Variants in TMEM47 observed in about 807,000 individuals in gnomAD.
TMEM47 encodes brain cell membrane protein 1.
A neutral mutation model predicts 12.4 loss-of-function variants in TMEM47; 3 were observed. The ratio of observed to expected loss-of-function variants is 0.24; its 90% CI spans 0.11 to 0.63. TMEM47 has a LOEUF of 0.63. Ranked by LOEUF, TMEM47 falls within the 20% of genes least tolerant of loss-of-function variation. The probability of loss-of-function intolerance (pLI) is 0.86; values close to 1 mark genes in which losing one functional copy is unlikely to be tolerated. For missense variants in TMEM47, 89 were observed against 143.8 expected (o/e 0.62, Z 1.95); for synonymous variants, 62 against 63.3 (o/e 0.98, Z 0.10).
At chrX:34,650,367 G>T (rs1921995094) in intron 1 of TMEM47, among the ~76,000 whole-genome samples, 1 of 111,459 alleles carries the variant, frequency 9.0e-6, no homozygotes, top group African/African-American at 3.3e-5. Flanking sequence ...AAAATACTAT[G>T]GCAAAATGTA....
intron 1 of TMEM47, 146 bp downstream of exon 1, chrX:34,656,658 C>A (rs1922113736): frequency 9.6e-7 from 1 of 1,045,322 alleles, no homozygotes; most frequent in African/African-American, 1.9e-5. Flanking sequence ...TGGCGGGAGC[C>A]CCAGGATCCG....
At chrX:34,638,231 A>C (rs984738517) in intron 2 of TMEM47, among the ~76,000 whole-genome samples, 1 of 111,510 alleles carries the variant, frequency 9.0e-6, no homozygotes, top group East Asian at 2.8e-4. Flanking sequence ...GATCTTGAGC[A>C]AGTCACTTAA....
At chrX:34,636,629 C>T (rs1023952682) in intron 2 of TMEM47, among the ~76,000 whole-genome samples, 18 of 111,663 alleles carry the variant, frequency 1.6e-4, no homozygotes, top group African/African-American at 5.5e-4. Flanking sequence ...TCATATATTA[C>T]CTATCACTGT....
At chrX:34,639,099 C>T (rs774468508) in intron 2 of TMEM47, 148 bp downstream of exon 2, 15 of 712,972 alleles carry the variant, frequency 2.1e-5, no homozygotes, top group Non-Finnish European at 3.0e-5. Context: ...TCTGATAAAC[C>T]TTTAGCCAAG....
intron 1 of TMEM47, among the ~76,000 whole-genome samples, chrX:34,640,528 G>A (rs1341090383): frequency 1.8e-5 from 2 of 111,688 alleles, no homozygotes; most frequent in African/African-American, 6.5e-5. Flanking sequence ...ATACTATGGA[G>A]AGCAGCAGTT....
chrX:34,638,627 A>G (rs1921760463), intron 2 of TMEM47, among the ~76,000 whole-genome samples: 1 of 112,209 alleles, frequency 8.9e-6, no homozygotes, highest in Non-Finnish European at 1.9e-5. Flanking sequence ...ATAAATGAAA[A>G]TTAAAGCTCA....
chrX:34,644,264 A>C (rs16991446), intron 1 of TMEM47, among the ~76,000 whole-genome samples: 5,068 of 111,826 alleles, frequency 0.045, 248 homozygotes, highest in African/African-American at 0.15. Context: ...AGCTGGCATC[A>C]GAGTTTCCAA....
chrX:34,650,212 T>G (rs763011628), intron 1 of TMEM47, among the ~76,000 whole-genome samples: 17 of 112,213 alleles, frequency 1.5e-4, no homozygotes, highest in Non-Finnish European at 3.0e-4. Flanking sequence ...TGATAAATAA[T>G]CTTACAAAAA....
chrX:34,633,649 T>C (rs1007160027), intron 2 of TMEM47, among the ~76,000 whole-genome samples: 2 of 111,858 alleles, frequency 1.8e-5, no homozygotes, highest in African/African-American at 6.5e-5. Context: ...TCTAAAATGA[T>C]TACACTGCTT....
At chrX:34,640,146 AT>A (rs1337305977) in intron 1 of TMEM47, among the ~76,000 whole-genome samples, 1 of 111,372 alleles carries the variant, frequency 9.0e-6, no homozygotes, top group Non-Finnish European at 1.9e-5. Context: ...CTTCTTTTTT[AT>A]TTGATTCTAG....
In TMEM47 at chrX:34,628,549, GT is replaced by G. The variant is rs112736796; in HGVS notation, c.*1763del. ...TTCTAGCATTTGGATAATAAAATAG[GT>G]TTTTTTTTTTTGGCTGTTGTTTTTG... is the stretch of plus-strand genomic sequence containing the variant. On this transcript the variant is annotated 3_prime_UTR_variant, in exon 3 of 3. Coordinates refer to ENST00000275954, the MANE Select transcript of TMEM47 (RefSeq NM_031442.4). 445 of 101,847 alleles carry G rather than the reference GT, an allele frequency of 4.4e-3. No homozygotes were observed. Among genetic ancestry groups the G allele is most frequent in the Non-Finnish European group, 5.7e-3 (281 of 49,307 alleles). 8.4% of individuals were successfully genotyped at this position (101,847 alleles called of 1,213,427 possible).
At chrX:34,631,282 T>C (rs1921619728) in intron 2 of TMEM47, among the ~76,000 whole-genome samples, 1 of 108,572 alleles carries the variant, frequency 9.2e-6, no homozygotes, top group Non-Finnish European at 1.9e-5. Context: ...AATTAATTTC[T>C]ACTGATGCAA....
chrX:34,655,715 G>A (rs889105965), intron 1 of TMEM47, among the ~76,000 whole-genome samples: 2 of 110,388 alleles, frequency 1.8e-5, no homozygotes, highest in African/African-American at 3.3e-5. Flanking sequence ...GAAACTGGAA[G>A]GAATGTAATG....
At chrX:34,635,345 T>C (rs7061728) in intron 2 of TMEM47, among the ~76,000 whole-genome samples, 4,131 of 111,754 alleles carry the variant, frequency 0.037, 154 homozygotes, top group African/African-American at 0.12. Flanking sequence ...GCTTTCCCAT[T>C]CCCGTCTCAT....
intron 1 of TMEM47, among the ~76,000 whole-genome samples, chrX:34,647,931 G>A (rs911747949): frequency 2.7e-5 from 3 of 111,547 alleles, no homozygotes; most frequent in Non-Finnish European, 5.7e-5. Flanking sequence ...AAATCAGGAA[G>A]GCAATCCCAT....
chrX:34,655,478 C>T (rs981423535), intron 1 of TMEM47, among the ~76,000 whole-genome samples: 4 of 111,599 alleles, frequency 3.6e-5, no homozygotes, highest in African/African-American at 1.3e-4. Flanking sequence ...AATTAACCAA[C>T]AAAGAGGAAA....
chrX:34,630,955 G>A (rs1324794465), intron 2 of TMEM47, among the ~76,000 whole-genome samples: 1 of 108,287 alleles, frequency 9.2e-6, no homozygotes, highest in East Asian at 2.9e-4. Context: ...GGTGGATCAT[G>A]AGGTCAGGAG....
rs1204287563 is a variant in TMEM47 at position 34,630,425 on chromosome X, A to G, written c.434T>C (p.Ile145Thr). Reference sequence around the variant, plus strand: ...ATAACCCCAGTTGAACTCATGGTAAATTTTCAAGCTCACAGTTTCAATGAA... The same window carrying G: ...ATAACCCCAGTTGAACTCATGGTAAGTTTTCAAGCTCACAGTTTCAATGAA... The part of the protein sequence containing the change: ...IKFIETVSLK[I>T]YHEFNWGYGL... Residue 145 changes from isoleucine (I) to threonine (T), a missense_variant, in exon 3 of 3, where the codon ATT becomes ACT. Transcript: ENST00000275954. 8.3e-7 allele frequency: 1 copy of G among 1,208,947 alleles called. No individual in the cohort carries two copies.
chrX:34,652,076 A>G (rs1395736957), intron 1 of TMEM47, among the ~76,000 whole-genome samples: 1 of 112,377 alleles, frequency 8.9e-6, no homozygotes, highest in Non-Finnish European at 1.9e-5. Context: ...ATGAGGTCAC[A>G]TGATTGGTAA....
Sources: gnomAD v4.1 joint callset for allele counts (sites outside exome capture counted in the v4.1 genomes callset) on GRCh38, gnomAD v4.1.1 for gene constraint, MANE v1.5 for transcripts, NCBI Gene and HGNC (gene_info 2026-07-23, HGNC 2026-07-21) for gene names.